MTMR8: variants seen among roughly 807,000 people sequenced by gnomAD.
The protein encoded by MTMR8 is phosphatidylinositol-3,5-bisphosphate 3-phosphatase MTMR8.
A neutral mutation model predicts 39.3 loss-of-function variants in MTMR8; 65 were observed. The observed-to-expected ratio is 1.65, with a 90% confidence interval of 1.35 to 2.03. MTMR8 has a LOEUF of 2.03. MTMR8 is among the 30% of genes most tolerant of loss of function. MTMR8 has a pLI of 0.00. For synonymous variants in MTMR8, 245 were observed against 185.2 expected, an observed-to-expected ratio of 1.32 and a Z score of -2.62; for missense variants, 777 against 538.9, an observed-to-expected ratio of 1.44 and a Z score of -4.37.
At chrX:64,300,670 C>G (rs1372972768) in intron 12 of MTMR8, among the ~76,000 whole-genome samples, 1 of 102,574 alleles carries the variant, frequency 9.7e-6, no homozygotes, top group Non-Finnish European at 2.0e-5. Flanking sequence ...TCTTCCTAGT[C>G]TCGATGGTCT....
chrX:64,355,426 C>T lies in MTMR8; in HGVS notation c.311-492G>A, dbSNP rs906440105. 8.9e-5 allele frequency among the ~76,000 whole-genome samples: 10 copies of T among 111,800 alleles called. No homozygotes were observed. In the East Asian group the frequency reaches 1.4e-3, roughly 16 times the overall value. On this transcript the variant is annotated intron_variant, in intron 3 of 13. Coordinates refer to ENST00000374852, the MANE Select transcript of MTMR8 (RefSeq NM_017677.4). ...CTGTCAGTCCTGCTTCCTCCCTTCA[C>T]GAGATACAGCATCCAATCAAATAAC...
At chrX:64,334,535 T>G (rs903740050) in intron 10 of MTMR8, among the ~76,000 whole-genome samples, 4 of 103,103 alleles carry the variant, frequency 3.9e-5, no homozygotes, top group African/African-American at 1.4e-4. Context: ...CAATATAGCT[T>G]TACTATGTAC....
chrX:64,276,371 G>C (rs1224871376), intron 12 of MTMR8, among the ~76,000 whole-genome samples: 2 of 111,402 alleles, frequency 1.8e-5, no homozygotes, highest in Non-Finnish European at 3.8e-5. Flanking sequence ...TCTAGTTCTA[G>C]ATGTTAGGGT....
At chrX:64,303,158 T>C (rs891365795) in intron 12 of MTMR8, among the ~76,000 whole-genome samples, 3 of 111,566 alleles carry the variant, frequency 2.7e-5, no homozygotes, top group African/African-American at 9.7e-5. Context: ...GCACTTTGTA[T>C]TGTAACCATT....
chrX:64,274,307 T>G (rs1931826267), intron 12 of MTMR8, among the ~76,000 whole-genome samples: 1 of 112,133 alleles, frequency 8.9e-6, no homozygotes, highest in Admixed American at 9.5e-5. Flanking sequence ...TAAAGGAAAC[T>G]TGTAAAGTTA....
intron 8 of MTMR8, among the ~76,000 whole-genome samples, chrX:64,338,449 C>A (rs908286061): frequency 4.5e-5 from 5 of 112,103 alleles, no homozygotes; most frequent in Non-Finnish European, 5.6e-5. Flanking sequence ...AAAGGACATT[C>A]CAGGCTGGGG....
intron 12 of MTMR8, 147 bp from the exon 13 acceptor site, chrX:64,271,220 A>T: frequency 1.8e-6 from 1 of 551,047 alleles, no homozygotes; most frequent in Non-Finnish European, 2.6e-6. Flanking sequence ...AAAAGCCTGG[A>T]CATGCTCATA....
chrX:64,377,051 C>T (rs1299799355), intron 1 of MTMR8, among the ~76,000 whole-genome samples: 1 of 112,420 alleles, frequency 8.9e-6, no homozygotes, highest in African/African-American at 3.2e-5. Flanking sequence ...GTTAAGCCTG[C>T]AGGTGCTCAA....
chrX:64,359,628 AACTCGAGTCT>A, intron 1 of MTMR8, 101 bp from the exon 2 acceptor site: 1 of 886,004 alleles, frequency 1.1e-6, no homozygotes, highest in Admixed American at 2.9e-5. Context: ...TTTGCTACAA[AACTCGAGTCT>A]TTCCAGTTCC....
At chrX:64,351,989 A>G (rs1430781607) in intron 4 of MTMR8, among the ~76,000 whole-genome samples, 1 of 111,232 alleles carries the variant, frequency 9.0e-6, no homozygotes, top group African/African-American at 3.3e-5. Flanking sequence ...TGCATACTTC[A>G]ATCCAATCAA....
chrX:64,379,933 T>G (rs1359802805), intron 1 of MTMR8, among the ~76,000 whole-genome samples: 1 of 110,281 alleles, frequency 9.1e-6, no homozygotes, highest in Non-Finnish European at 1.9e-5. Flanking sequence ...GAAAAAAAAA[T>G]CAGTGTCATA....
chrX:64,365,951 G>A (rs1007485603), intron 1 of MTMR8, among the ~76,000 whole-genome samples: 1 of 111,250 alleles, frequency 9.0e-6, no homozygotes, highest in African/African-American at 3.3e-5. Context: ...AAAAGCAGGG[G>A]TTACAATCCT....
At chrX:64,387,861 A>G (rs1924602773) in intron 1 of MTMR8, among the ~76,000 whole-genome samples, 1 of 109,786 alleles carries the variant, frequency 9.1e-6, no homozygotes, top group Non-Finnish European at 1.9e-5. Context: ...GGAGACAGAG[A>G]AAGATGAAAA....
chrX:64,360,657 C>T (rs1195734650), intron 1 of MTMR8, among the ~76,000 whole-genome samples: 1 of 110,997 alleles, frequency 9.0e-6, no homozygotes, highest in Non-Finnish European at 1.9e-5. Context: ...CAAAATGTAG[C>T]GTATGTTTGA....
At chrX:64,363,005 A>G (rs1923835302) in intron 1 of MTMR8, among the ~76,000 whole-genome samples, 1 of 111,344 alleles carries the variant, frequency 9.0e-6, no homozygotes, top group Admixed American at 9.6e-5. Context: ...GGAATAAAAT[A>G]AAGTTAAATT....
intron 11 of MTMR8, 183 bp downstream of exon 11, chrX:64,331,374 A>G (rs1602134758): frequency 6.8e-6 from 3 of 442,749 alleles, no homozygotes; most frequent in East Asian, 3.8e-5. Flanking sequence ...TACAGATGAG[A>G]TATCTTAGGG....
chrX:64,320,131 G>A (rs1004947110), intron 12 of MTMR8, among the ~76,000 whole-genome samples: 3 of 111,399 alleles, frequency 2.7e-5, no homozygotes, highest in Admixed American at 9.5e-5. Context: ...TCCCTTGTAA[G>A]TTGGATTCCT....
intron 12 of MTMR8, among the ~76,000 whole-genome samples, chrX:64,289,242 C>T (rs1185665745): frequency 9.1e-6 from 1 of 110,341 alleles, no homozygotes; most frequent in African/African-American, 3.3e-5. Flanking sequence ...TGGCTACTAT[C>T]CCAATAAAAG....
At chrX:64,391,548 A>T (rs1602162589) in intron 1 of MTMR8, among the ~76,000 whole-genome samples, 1 of 111,692 alleles carries the variant, frequency 9.0e-6, no homozygotes, top group African/African-American at 3.3e-5. Context: ...CACCTTACTT[A>T]AGAGATCCCA....
Sources: allele counts gnomAD v4.1 joint callset (sites outside exome capture counted in the v4.1 genomes callset), GRCh38; gene constraint gnomAD v4.1.1; transcripts MANE v1.5; gene names NCBI Gene and HGNC (gene_info 2026-07-23, HGNC 2026-07-21).